Variants in NEBL observed in about 807,000 individuals in gnomAD.
NEBL encodes the protein nebulette, also known as LIM and SH3 protein 2.
NEBL carries 122 observed loss-of-function variants against 140.2 expected under a neutral mutation model. That is an observed-to-expected ratio of 0.87 (90% CI 0.75 to 1.01). The LOEUF (loss-of-function observed/expected upper bound fraction) is 1.01. Among genes scored for constraint, NEBL ranks in the 50% least tolerant of loss-of-function variants. The pLI, the probability that NEBL is intolerant of heterozygous loss-of-function variation, is 0.00. For synonymous variants in NEBL, 436 were observed against 398.9 expected, an observed-to-expected ratio of 1.09 and a Z score of -1.11; for missense variants, 1,365 against 1,231.3, an observed-to-expected ratio of 1.11 and a Z score of -1.62.
chr10:20,811,902 C>CGGCT (rs762390934), intron 24 of NEBL, among the ~76,000 whole-genome samples: 74 of 152,060 alleles, frequency 4.9e-4, no homozygotes, highest in Non-Finnish European at 9.1e-4. Flanking sequence ...CCTTCCTAGC[C>CGGCT]CTGCCTTATA....
Position 21,113,290 on chromosome 10 carries a change from T to TAA in NEBL, c.164+59091_164+59092dup, listed in dbSNP as rs56366013. On this transcript the variant is annotated intron_variant, in intron 2 of 6. Coordinates refer to the NEBL transcript ENST00000417816. ...ACCAAGATCAAAAGGATGAGAATCC[T>TAA]AAAAAAAAAAAAAAAACCAGGAAAA... The TAA allele has an allele frequency of 6.0e-3, 739 of 123,078 alleles. 1 individual carries two copies. Among genetic ancestry groups the TAA allele is most frequent in the South Asian group, 9.2e-3 (81 of 8,788 alleles). 7.6% of individuals were successfully genotyped at this position (123,078 alleles called of 1,614,324 possible).
intron 2 of NEBL, among the ~76,000 whole-genome samples, chr10:21,140,011 A>G (rs1287451774): frequency 6.7e-6 from 1 of 149,700 alleles, no homozygotes; most frequent in Non-Finnish European, 1.5e-5. Flanking sequence ...AAAAAAATAC[A>G]AAAATTAGGC....
intron 2 of NEBL, among the ~76,000 whole-genome samples, chr10:21,134,816 G>A (rs968674385): frequency 6.6e-6 from 1 of 152,198 alleles, no homozygotes; most frequent in Non-Finnish European, 1.5e-5. Context: ...TCATTCATCT[G>A]TAAGAACATT....
intron 3 of NEBL, among the ~76,000 whole-genome samples, chr10:21,244,171 T>C (rs1842483173): frequency 1.3e-5 from 2 of 151,996 alleles, no homozygotes; most frequent in Admixed American, 1.3e-4. Flanking sequence ...CCTAAGCTTA[T>C]TCTTTTTGTT....
At chr10:21,179,647 A>G (rs891478180), upstream of NEBL, among the ~76,000 whole-genome samples, 3 of 152,130 alleles carry the variant, frequency 2.0e-5, no homozygotes, top group Non-Finnish European at 4.4e-5. Context: ...ATTACTGTGC[A>G]GTGAGGCATT....
At chr10:21,137,444 G>A (rs1839403906) in intron 2 of NEBL, among the ~76,000 whole-genome samples, 1 of 152,142 alleles carries the variant, frequency 6.6e-6, no homozygotes, top group South Asian at 2.1e-4. Context: ...CATCAGTCAG[G>A]ACCAATCTGG....
intron 18 of NEBL, among the ~76,000 whole-genome samples, chr10:20,825,559 C>T (rs559757767): frequency 5.3e-5 from 8 of 151,496 alleles, no homozygotes; most frequent in Non-Finnish European, 1.0e-4. Context: ...CCCAGCTACT[C>T]GGGAGGCTGA....
At chr10:21,239,739 A>C (rs1372019862) in intron 3 of NEBL, among the ~76,000 whole-genome samples, 4 of 152,250 alleles carry the variant, frequency 2.6e-5, no homozygotes, top group African/African-American at 4.8e-5. Flanking sequence ...AGTAAGTGGC[A>C]GGGCGCGGTG....
At chr10:21,269,419 T>G (rs1231466438) in intron 1 of NEBL, among the ~76,000 whole-genome samples, 3 of 152,236 alleles carry the variant, frequency 2.0e-5, no homozygotes, top group Non-Finnish European at 4.4e-5. Flanking sequence ...AGCTTTGGGC[T>G]TCTTGGGAAA....
intron 3 of NEBL, among the ~76,000 whole-genome samples, chr10:20,999,165 A>G (rs1338744173): frequency 9.9e-5 from 15 of 150,822 alleles, no homozygotes; most frequent in Non-Finnish European, 2.2e-4. Context: ...GTGGGGGGAA[A>G]AAAAAAAAAA....
At chr10:20,950,561 A>G (rs1835408414) in intron 4 of NEBL, among the ~76,000 whole-genome samples, 1 of 152,140 alleles carries the variant, frequency 6.6e-6, no homozygotes, top group Non-Finnish European at 1.5e-5. Flanking sequence ...GTGGTTTTTC[A>G]CTTTTTCTGA....
chr10:20,789,935 GTA>G (rs901638382), intron 26 of NEBL, among the ~76,000 whole-genome samples: 20 of 148,898 alleles, frequency 1.3e-4, no homozygotes, highest in East Asian at 4.0e-4. Context: ...GTGTATATGT[GTA>G]TATATATATG....
At chr10:20,979,958 A>C (rs1353591549) in intron 3 of NEBL, among the ~76,000 whole-genome samples, 12 of 151,884 alleles carry the variant, frequency 7.9e-5, no homozygotes, top group Non-Finnish European at 1.6e-4. Flanking sequence ...CTCCCAAATC[A>C]CTGAGATTAC....
At chr10:21,045,367 G>A (rs763604531) in intron 2 of NEBL, among the ~76,000 whole-genome samples, 38 of 151,994 alleles carry the variant, frequency 2.5e-4, no homozygotes, top group Non-Finnish European at 3.4e-4. Context: ...TCAATCTCGC[G>A]ATACTAACTG....
chr10:21,179,394 C>T (rs116954675), upstream of NEBL, among the ~76,000 whole-genome samples: 96 of 152,240 alleles, frequency 6.3e-4, no homozygotes, highest in Non-Finnish European at 1.2e-3. Context: ...CTCTGAAGGG[C>T]CCCACAAGAA....
At chr10:21,182,390 C>A (rs1028879172) in intron 3 of NEBL, among the ~76,000 whole-genome samples, 1 of 152,110 alleles carries the variant, frequency 6.6e-6, no homozygotes, top group Non-Finnish European at 1.5e-5. Flanking sequence ...GAAGGAGGAT[C>A]GTTTGAATCC....
At chr10:21,018,001 T>C (rs918400871) in intron 3 of NEBL, among the ~76,000 whole-genome samples, 14 of 152,044 alleles carry the variant, frequency 9.2e-5, no homozygotes, top group Admixed American at 5.9e-4. Flanking sequence ...TTGTATTTTT[T>C]TGTAGGGATG....
At chr10:21,286,602 G>A (rs929040160) in intron 1 of NEBL, among the ~76,000 whole-genome samples, 3 of 152,214 alleles carry the variant, frequency 2.0e-5, no homozygotes, top group African/African-American at 7.2e-5. Flanking sequence ...GGAGGCCAAG[G>A]CGGGTGGATC....
At chr10:20,850,257 G>T (rs1842374908) in intron 11 of NEBL, 138 bp downstream of exon 11, 2 of 693,582 alleles carry the variant, frequency 2.9e-6, no homozygotes, top group African/African-American at 3.5e-5. Context: ...GCAGTGGGTG[G>T]CTGGGTCTAG....
Sources: allele counts gnomAD v4.1 joint callset (sites outside exome capture counted in the v4.1 genomes callset), GRCh38; gene constraint gnomAD v4.1.1; transcripts MANE v1.5; gene names NCBI Gene and HGNC (gene_info 2026-07-23, HGNC 2026-07-21).